Variants in RAVER2 observed in about 807,000 individuals in gnomAD.
RAVER2 encodes ribonucleoprotein, PTB binding 2, also known as ribonucleoprotein PTB-binding 2.
A neutral mutation model predicts 78.1 loss-of-function variants in RAVER2; 46 were observed. The observed-to-expected ratio is 0.59, with a 90% CI of 0.46 to 0.75. The LOEUF is 0.75. RAVER2 is among the 30% of genes least tolerant of loss of function. The pLI is 0.00. For missense variants in RAVER2, 793 were observed against 837.5 expected (o/e 0.95, Z 0.66); for synonymous variants, 311 against 313.3 (o/e 0.99, Z 0.08).
Position 64,824,045 on chromosome 1 carries a change from G to C in RAVER2, c.1930-6794G>C, listed in dbSNP as rs193241374. Among the ~76,000 whole-genome samples, 21 of 152,310 alleles carry C rather than the reference G, an allele frequency of 1.4e-4. No individual in the cohort carries two copies. In the East Asian group the frequency reaches 3.7e-3, roughly 27 times the overall value. ...TGGTCTTGAACTCCTGACCTCAAGTGATCTGCCTGCCTTGGTCTTCCAAAG... is the reference window on the plus strand; with the variant it reads ...TGGTCTTGAACTCCTGACCTCAAGTCATCTGCCTGCCTTGGTCTTCCAAAG... On this transcript the variant is annotated intron_variant, in intron 11 of 11. Transcript: ENST00000294428.
intron 9 of RAVER2, among the ~76,000 whole-genome samples, chr1:64,812,353 T>G (rs904995200): frequency 2.2e-4 from 26 of 120,088 alleles, no homozygotes; most frequent in African/African-American, 9.6e-4. Context: ...TAGAGTGAGA[T>G]TCCATCTCCA....
chr1:64,826,978 C>T (rs142474534), intron 11 of RAVER2, among the ~76,000 whole-genome samples: 1 of 152,152 alleles, frequency 6.6e-6, no homozygotes, highest in Non-Finnish European at 1.5e-5. Context: ...TTTATGGGTA[C>T]GTTTTAGACA....
intron 5 of RAVER2, among the ~76,000 whole-genome samples, chr1:64,796,361 TTCA>T (rs1412046466): frequency 6.6e-6 from 1 of 152,078 alleles, no homozygotes; most frequent in Non-Finnish European, 1.5e-5. Context: ...TTATTTCTTC[TTCA>T]TATGTTTGAT....
chr1:64,767,472 CTGA>C (rs1398527739), intron 1 of RAVER2, among the ~76,000 whole-genome samples: 5 of 151,892 alleles, frequency 3.3e-5, no homozygotes, highest in African/African-American at 1.2e-4. Flanking sequence ...AATTCAGTGC[CTGA>C]TACCTTGTGA....
In RAVER2 at chr1:64,824,932, C is replaced by CAAAAAAAAA. The variant is rs56179197; in HGVS notation, c.1930-5888_1930-5880dup. Among the ~76,000 whole-genome samples, 115 of 79,382 alleles carry CAAAAAAAAA rather than the reference C, an allele frequency of 1.4e-3. 10 individuals are homozygous for CAAAAAAAAA. The highest frequency in any genetic ancestry group is 7.6e-3 in the African/African-American group (98 of 12,870). The allele number at this position is 79,382 out of a possible 152,430, so 52.1% of individuals were successfully genotyped here. ...GGCAACAGAGCGAGACCCTGTCTCC[C>CAAAAAAAAA]AAAAAAAAAAAAAAAAAAAAAAAAA... On this transcript the variant is annotated intron_variant, in intron 11 of 11. Transcript: ENST00000294428.
chr1:64,805,552 T>A (rs982959305), intron 8 of RAVER2, among the ~76,000 whole-genome samples: 4 of 152,228 alleles, frequency 2.6e-5, no homozygotes, highest in African/African-American at 9.6e-5. Flanking sequence ...TAGTCAAAAC[T>A]AATGTGTGTA....
chr1:64,786,015 CTTT>C (rs967649950), intron 4 of RAVER2, among the ~76,000 whole-genome samples: 3 of 151,996 alleles, frequency 2.0e-5, no homozygotes, highest in Admixed American at 2.0e-4. Context: ...ATTTTTATTT[CTTT>C]GTGATACTAA....
intron 6 of RAVER2, among the ~76,000 whole-genome samples, chr1:64,803,510 A>G (rs1224122382): frequency 1.3e-5 from 2 of 152,162 alleles, no homozygotes; most frequent in Non-Finnish European, 2.9e-5. Context: ...AATATTTTAA[A>G]TGTGTGTTTA....
chr1:64,813,455 C>T (rs1012735815), intron 10 of RAVER2, among the ~76,000 whole-genome samples: 1 of 151,802 alleles, frequency 6.6e-6, no homozygotes, highest in Non-Finnish European at 1.5e-5. Flanking sequence ...CATATTTTGG[C>T]AAATATATGC....
intron 9 of RAVER2, among the ~76,000 whole-genome samples, chr1:64,809,479 C>T (rs1409928045): frequency 7.6e-6 from 1 of 131,614 alleles, no homozygotes. Flanking sequence ...CCAGAATCAC[C>T]TCTAGTGCAA....
In RAVER2 at chr1:64,807,186, G is replaced by T. The variant is rs1413409057; in HGVS notation, c.1412-20G>T. On this transcript the variant is annotated intron_variant, in intron 8 of 11. Transcript: ENST00000294428. ...AATATTTTCTAACTAAAAGCTTTTT[G>T]CATTTATGGTTTGCTACAGCATCTA... 5.7e-6 allele frequency: 9 copies of T among 1,587,634 alleles called. No homozygotes were observed. The highest frequency in any genetic ancestry group is 5.3e-5 in the Admixed American group (3 of 56,102).
At chr1:64,773,251 A>G (rs929186413) in intron 2 of RAVER2, among the ~76,000 whole-genome samples, 2 of 152,138 alleles carry the variant, frequency 1.3e-5, no homozygotes, top group South Asian at 4.1e-4. Flanking sequence ...GGTTTGTTAC[A>G]TAGATATACA....
intron 5 of RAVER2, among the ~76,000 whole-genome samples, chr1:64,795,160 A>G (rs1191914545): frequency 3.9e-5 from 6 of 152,158 alleles, no homozygotes; most frequent in Admixed American, 6.5e-5. Context: ...ATTGACCTAA[A>G]TGTCTGTCTT....
chr1:64,788,175 A>G (rs1470885907), intron 4 of RAVER2, among the ~76,000 whole-genome samples: 3 of 152,172 alleles, frequency 2.0e-5, no homozygotes, highest in African/African-American at 7.2e-5. Flanking sequence ...AGACCTTTAT[A>G]AAAAAGAAGA....
chr1:64,789,201 T>A (rs1652867275), intron 4 of RAVER2, among the ~76,000 whole-genome samples, 187 bp from the exon 5 acceptor site: 1 of 152,236 alleles, frequency 6.6e-6, no homozygotes. Context: ...TCTATGAGGA[T>A]TTTATGCCAT....
At chr1:64,802,371 C>T (rs1016656732) in intron 5 of RAVER2, among the ~76,000 whole-genome samples, 1 of 152,168 alleles carries the variant, frequency 6.6e-6, no homozygotes, top group African/African-American at 2.4e-5. Flanking sequence ...TGACACCCCC[C>T]ACCTGCTCCC....
At chr1:64,829,073 G>A (rs1165954426) in intron 11 of RAVER2, among the ~76,000 whole-genome samples, 1 of 151,312 alleles carries the variant, frequency 6.6e-6, no homozygotes, top group Non-Finnish European at 1.5e-5. Flanking sequence ...ATAGGTCTCA[G>A]TTGGTTCTCA....
At chr1:64,779,960 C>G (rs1449140240) in intron 3 of RAVER2, among the ~76,000 whole-genome samples, 1 of 151,920 alleles carries the variant, frequency 6.6e-6, no homozygotes, top group Non-Finnish European at 1.5e-5. Flanking sequence ...TCATATTGAA[C>G]TGAAATAGCC....
chr1:64,768,423 C>T (rs998483167), intron 1 of RAVER2, among the ~76,000 whole-genome samples: 5 of 151,966 alleles, frequency 3.3e-5, no homozygotes, highest in Non-Finnish European at 5.9e-5. Flanking sequence ...GCATGGTATA[C>T]TTGTGAGATA....
Sources: gnomAD v4.1 joint callset for allele counts (sites outside exome capture counted in the v4.1 genomes callset) on GRCh38, gnomAD v4.1.1 for gene constraint, MANE v1.5 for transcripts, NCBI Gene and HGNC (gene_info 2026-07-23, HGNC 2026-07-21) for gene names.